CDH18: variants seen among roughly 807,000 people sequenced by gnomAD.
The protein encoded by CDH18 is cadherin-18.
CDH18 carries 31 observed loss-of-function variants against 67.9 expected under a neutral mutation model. The observed-to-expected ratio is 0.46, with a 90% CI of 0.34 to 0.62. The LOEUF (loss-of-function observed/expected upper bound fraction) is 0.62, where lower values mean the gene tolerates loss of function less well. CDH18 is among the 20% of genes least tolerant of loss of function. The probability of loss-of-function intolerance (pLI) is 0.01; values close to 1 mark genes in which losing one functional copy is unlikely to be tolerated. For missense variants in CDH18, 890 were observed against 975.5 expected (o/e 0.91, Z 1.17); for synonymous variants, 362 against 347.2 (o/e 1.04, Z -0.48).
At chr5:20,565,282 A>G (rs1211530949) in intron 1 of CDH18, among the ~76,000 whole-genome samples, 2 of 151,288 alleles carry the variant, frequency 1.3e-5, no homozygotes, top group Admixed American at 1.3e-4. Context: ...ATAGACCTAA[A>G]GTTGTTGTTG....
chr5:20,397,105 G>GT (rs1014769984), intron 1 of CDH18, among the ~76,000 whole-genome samples: 1 of 150,942 alleles, frequency 6.6e-6, no homozygotes, highest in African/African-American at 2.5e-5. Flanking sequence ...GTCCACACAT[G>GT]TTTTTTGTTT....
intron 2 of CDH18, among the ~76,000 whole-genome samples, chr5:19,974,078 A>G (rs1366590729): frequency 6.6e-6 from 1 of 152,158 alleles, no homozygotes; most frequent in East Asian, 1.9e-4. Flanking sequence ...CATAGTGAAC[A>G]TATTTTTAAA....
chr5:20,501,594 TTATATA>T (rs370110007), intron 1 of CDH18, among the ~76,000 whole-genome samples: 2 of 35,298 alleles, frequency 5.7e-5, no homozygotes, highest in East Asian at 5.5e-4. Flanking sequence ...TATATATATA[TTATATA>T]TATATATATA....
At chr5:19,834,824 C>A (rs1277841140) in intron 3 of CDH18, among the ~76,000 whole-genome samples, 2 of 151,996 alleles carry the variant, frequency 1.3e-5, no homozygotes, top group Non-Finnish European at 2.9e-5. Context: ...ATTGAAATTG[C>A]ATGATTTTGA....
At chr5:19,987,053 A>G (rs1179053446) in intron 1 of CDH18, among the ~76,000 whole-genome samples, 3 of 152,192 alleles carry the variant, frequency 2.0e-5, no homozygotes, top group East Asian at 1.9e-4. Flanking sequence ...ACCGAAAACC[A>G]TAATACTTTT....
In CDH18 at chr5:19,777,452, T is replaced by C. The variant is rs114612351; in HGVS notation, c.229-30216A>G. Among the ~76,000 whole-genome samples, 809 of 152,286 alleles carry C rather than the reference T, an allele frequency of 5.3e-3. 4 individuals carry two copies. The highest frequency in any genetic ancestry group is 0.019 in the African/African-American group (772 of 41,564). ...CAATTATACATAGAGCTCAGATGGA[T>C]TGTTATGCCAGTAAAGCAAACTGTC... On this transcript the variant is annotated intron_variant, in intron 3 of 12. Transcript: ENST00000382275.
At chr5:19,769,968 T>TA (rs1422269416) in intron 3 of CDH18, among the ~76,000 whole-genome samples, 1 of 151,820 alleles carries the variant, frequency 6.6e-6, no homozygotes, top group Non-Finnish European at 1.5e-5. Flanking sequence ...AAACAATAAA[T>TA]AAAGATAATC....
intron 3 of CDH18, among the ~76,000 whole-genome samples, chr5:19,834,389 T>G (rs1238118465): frequency 4.6e-5 from 7 of 152,072 alleles, no homozygotes; most frequent in Non-Finnish European, 1.0e-4. Context: ...TATCATTTTT[T>G]ATTATATCTA....
chr5:19,987,104 G>GA (rs1435771124), intron 1 of CDH18, among the ~76,000 whole-genome samples: 1 of 151,790 alleles, frequency 6.6e-6, no homozygotes, highest in Non-Finnish European at 1.5e-5. Context: ...CTTCCAACAG[G>GA]AAAAAAGCAA....
intron 9 of CDH18, among the ~76,000 whole-genome samples, chr5:19,531,466 G>A (rs1426524094): frequency 6.6e-6 from 1 of 152,114 alleles, no homozygotes; most frequent in Non-Finnish European, 1.5e-5. Context: ...TGCGGAAGAC[G>A]TGAAGCAACT....
intron 3 of CDH18, among the ~76,000 whole-genome samples, chr5:19,834,456 A>AT (rs35754716): frequency 0.016 from 2,352 of 150,786 alleles, 64 homozygotes; most frequent in African/African-American, 0.054. Flanking sequence ...TATTTTGTTA[A>AT]TTTTTTTCAA....
At chr5:20,522,608 G>A (rs1235078080) in intron 1 of CDH18, among the ~76,000 whole-genome samples, 1 of 152,082 alleles carries the variant, frequency 6.6e-6, no homozygotes, top group Non-Finnish European at 1.5e-5. Flanking sequence ...ATTAATGTGA[G>A]GCAGTAGTAG....
At chr5:20,537,830 G>A (rs140611676) in intron 1 of CDH18, among the ~76,000 whole-genome samples, 31 of 152,140 alleles carry the variant, frequency 2.0e-4, no homozygotes, top group Admixed American at 6.6e-4. Context: ...GTACTTTGTC[G>A]TCCTCTGTGT....
intron 2 of CDH18, among the ~76,000 whole-genome samples, chr5:19,936,193 A>C (rs1794238687): frequency 6.6e-6 from 1 of 151,286 alleles, no homozygotes; most frequent in South Asian, 2.1e-4. Context: ...TGTTTTTCTG[A>C]GTCATTTGTT....
At chr5:19,886,301 C>T (rs1486294591) in intron 2 of CDH18, 1 of 152,104 alleles carries the variant, frequency 6.6e-6, no homozygotes, top group African/African-American at 2.4e-5. Flanking sequence ...CCTGATTTAG[C>T]TTTCGTGACA....
At chr5:20,461,607 C>A (rs905423159) in intron 1 of CDH18, among the ~76,000 whole-genome samples, 1 of 152,036 alleles carries the variant, frequency 6.6e-6, no homozygotes, top group African/African-American at 2.4e-5. Context: ...TATCAAACCT[C>A]TTCTTTCTGC....
intron 5 of CDH18, among the ~76,000 whole-genome samples, chr5:19,688,891 A>T (rs1761479418): frequency 6.6e-6 from 1 of 152,082 alleles, no homozygotes; most frequent in Non-Finnish European, 1.5e-5. Flanking sequence ...TTAATACATG[A>T]AACAAAAAAT....
At chr5:20,512,598 A>T (rs1340443661) in intron 1 of CDH18, among the ~76,000 whole-genome samples, 1 of 152,112 alleles carries the variant, frequency 6.6e-6, no homozygotes, top group Non-Finnish European at 1.5e-5. Flanking sequence ...AACTTGACTC[A>T]GCTGGCTGAG....
At chr5:20,352,078 G>C (rs1309633136) in intron 1 of CDH18, among the ~76,000 whole-genome samples, 2 of 152,108 alleles carry the variant, frequency 1.3e-5, no homozygotes, top group African/African-American at 4.8e-5. Flanking sequence ...AATCATTTAT[G>C]CAAGTGATCC....
Sources: gnomAD v4.1 joint callset for allele counts (sites outside exome capture counted in the v4.1 genomes callset) on GRCh38, gnomAD v4.1.1 for gene constraint, MANE v1.5 for transcripts, NCBI Gene and HGNC (gene_info 2026-07-23, HGNC 2026-07-21) for gene names.